The following PIK3R3 variants were observed in gnomAD, a reference collection of about 807,000 sequenced individuals.
PIK3R3 encodes the protein phosphatidylinositol 3-kinase regulatory subunit gamma.
In PIK3R3, 64 loss-of-function variants were observed where a neutral mutation model predicts 62.9. The observed-to-expected ratio is 1.02, with a 90% CI of 0.83 to 1.25. The LOEUF is 1.25. Among genes scored for constraint, PIK3R3 ranks in the 50% most tolerant of loss-of-function variants. PIK3R3 has a pLI of 0.00. For missense variants in PIK3R3, 614 were observed against 561.6 expected, an observed-to-expected ratio of 1.09 and a Z score of -0.94; for synonymous variants, 165 against 189.0, an observed-to-expected ratio of 0.87 and a Z score of 1.04.
At chr1:46,063,224 C>T (rs915169585) in intron 5 of PIK3R3, among the ~76,000 whole-genome samples, 1 of 152,176 alleles carries the variant, frequency 6.6e-6, no homozygotes, top group African/African-American at 2.4e-5. Flanking sequence ...GAAGAAAATA[C>T]AGCACTGCAC....
At position 46,040,480 on chromosome 1, in the gene PIK3R3, T is replaced by C. The variant is rs1646976198; in HGVS notation, c.*3193A>G. ...CGGCACCAAAGTCACATGCTGGAAT[T>C]TGTAAGGAAACGAGGTTGTTTGCCA... On this transcript the variant is annotated 3_prime_UTR_variant, in exon 10 of 10. Coordinates refer to ENST00000262741, the MANE Select transcript of PIK3R3 (RefSeq NM_003629.4). 8.7e-6 allele frequency: 2 copies of C among 229,702 alleles called. No individual in the cohort carries two copies. The highest frequency in any genetic ancestry group is 5.7e-5 in the Admixed American group (1 of 17,660). 14.2% of individuals were successfully genotyped at this position (229,702 alleles called of 1,614,324 possible).
intron 2 of PIK3R3, among the ~76,000 whole-genome samples, chr1:46,078,604 C>A (rs1228405594): frequency 6.6e-6 from 1 of 152,074 alleles, no homozygotes; most frequent in African/African-American, 2.4e-5. Flanking sequence ...CACAGAATTA[C>A]CTACCATATG....
chr1:46,165,684 T>C, the PIK3R3 span, among the ~76,000 whole-genome samples: 4 of 150,078 alleles, frequency 2.7e-5, no homozygotes, highest in Non-Finnish European at 4.4e-5. Context: ...AAACCGTAAG[T>C]GGTTCAGCAG....
chr1:46,073,141 T>C (rs1649703607), intron 3 of PIK3R3, among the ~76,000 whole-genome samples: 1 of 152,084 alleles, frequency 6.6e-6, no homozygotes, highest in African/African-American at 2.4e-5. Context: ...GAGCTGCCCA[T>C]ACAGTGAATT....
At chr1:46,078,691 T>C (rs1650298228) in intron 2 of PIK3R3, among the ~76,000 whole-genome samples, 1 of 152,078 alleles carries the variant, frequency 6.6e-6, no homozygotes, top group South Asian at 2.1e-4. Context: ...TGTGCACCAA[T>C]ATTAATTGCA....
chr1:46,143,709 C>T, the PIK3R3 span, among the ~76,000 whole-genome samples: 1 of 152,012 alleles, frequency 6.6e-6, no homozygotes, highest in African/African-American at 2.4e-5. Flanking sequence ...TATCAAATTT[C>T]TGGACTCAAG....
chr1:46,109,557 C>G (rs2149452330), intron 1 of PIK3R3, among the ~76,000 whole-genome samples: 1 of 152,172 alleles, frequency 6.6e-6, no homozygotes, highest in East Asian at 1.9e-4. Flanking sequence ...AATCTCAGCT[C>G]ACTGCAACCT....
At chr1:46,153,415 G>A in the PIK3R3 span, among the ~76,000 whole-genome samples, 1 of 152,168 alleles carries the variant, frequency 6.6e-6, no homozygotes, top group East Asian at 1.9e-4. Flanking sequence ...AGCTTCTATA[G>A]CAGATGGCTC....
chr1:46,166,975 G>T, the PIK3R3 span, among the ~76,000 whole-genome samples: 310 of 152,314 alleles, frequency 2.0e-3, 1 homozygote, highest in African/African-American at 7.2e-3. Flanking sequence ...GTTCAACCAG[G>T]CTCAGGAGGT....
rs996252075 is a variant in PIK3R3, at chr1:46,040,197, T to A, written c.*3476A>T. The A allele has an allele frequency of 1.4e-5, 3 of 210,214 alleles. No individual in the cohort carries two copies. Among genetic ancestry groups the A allele is most frequent in the African/African-American group, 4.6e-5 (2 of 43,806 alleles). The allele number at this position is 210,214 out of a possible 1,614,324, so 13.0% of individuals were successfully genotyped here. On this transcript the variant is annotated 3_prime_UTR_variant, in exon 10 of 10. Coordinates refer to ENST00000262741, the MANE Select transcript of PIK3R3 (RefSeq NM_003629.4). ...GGAGCAAGTTGGCCAGACTGTCCCCTCTTGGGGAAGGTATTAAACAAAAAG... is the reference window on the plus strand; with the variant it reads ...GGAGCAAGTTGGCCAGACTGTCCCCACTTGGGGAAGGTATTAAACAAAAAG...
chr1:46,124,700 G>A (rs1415739405), intron 1 of PIK3R3, among the ~76,000 whole-genome samples: 7 of 151,484 alleles, frequency 4.6e-5, no homozygotes, highest in African/African-American at 1.7e-4. Flanking sequence ...GGAGCCTGAG[G>A]CAGGAGAATC....
At chr1:46,099,793 C>T (rs1015144020) in intron 1 of PIK3R3, among the ~76,000 whole-genome samples, 3 of 152,134 alleles carry the variant, frequency 2.0e-5, no homozygotes, top group African/African-American at 4.8e-5. Flanking sequence ...TGCTAAGTTG[C>T]TCTCTACAAT....
the PIK3R3 span, among the ~76,000 whole-genome samples, chr1:46,166,639 A>C: frequency 6.6e-6 from 1 of 151,990 alleles, no homozygotes; most frequent in African/African-American, 2.4e-5. Flanking sequence ...TCCGGTCCCC[A>C]GAAGCTTCAG....
intron 3 of PIK3R3, 63 bp downstream of exon 3, chr1:46,077,452 C>T: frequency 1.3e-6 from 1 of 767,868 alleles, no homozygotes. Context: ...ACAGAAATAT[C>T]TGTATACCCA....
At chr1:46,056,120 G>A (rs785466) in intron 6 of PIK3R3, 149 bp from the exon 7 acceptor site, 358,688 of 513,132 alleles carry the variant, frequency 0.7, 126,120 homozygotes, top group African/African-American at 0.75. Flanking sequence ...GCATGATCTC[G>A]GCTCACTGCA....
intron 1 of PIK3R3, among the ~76,000 whole-genome samples, chr1:46,100,223 C>T (rs565848196): frequency 1.3e-5 from 2 of 152,142 alleles, no homozygotes; most frequent in South Asian, 4.2e-4. Flanking sequence ...TTCTACCTTC[C>T]CTGCCCTAGT....
chr1:46,122,738 T>C (rs1340901545), intron 1 of PIK3R3, among the ~76,000 whole-genome samples: 1 of 152,140 alleles, frequency 6.6e-6, no homozygotes, highest in African/African-American at 2.4e-5. Flanking sequence ...GCTAATAACA[T>C]TAAGTATTGC....
chr1:46,092,988 G>GT (rs1176464258), intron 1 of PIK3R3, among the ~76,000 whole-genome samples: 2 of 152,162 alleles, frequency 1.3e-5, no homozygotes, highest in East Asian at 3.8e-4. Flanking sequence ...GGTTTCACCA[G>GT]TAATGGTCTC....
intron 3 of PIK3R3, among the ~76,000 whole-genome samples, chr1:46,074,464 C>T (rs1018924740): frequency 6.6e-6 from 1 of 151,952 alleles, no homozygotes; most frequent in African/African-American, 2.4e-5. Context: ...TACCATGTAG[C>T]ACATCTCCTC....
Sources: allele counts gnomAD v4.1 joint callset (sites outside exome capture counted in the v4.1 genomes callset), GRCh38; gene constraint gnomAD v4.1.1; transcripts MANE v1.5; gene names NCBI Gene and HGNC (gene_info 2026-07-23, HGNC 2026-07-21).